Variants in ADAM29 observed in about 807,000 individuals in gnomAD.
The protein encoded by ADAM29 is ADAM metallopeptidase domain 29, also known as disintegrin and metalloproteinase domain-containing protein 29.
For synonymous variants in ADAM29, 367 were observed against 342.3 expected, an observed-to-expected ratio of 1.07 and a Z score of -0.80; for missense variants, 969 against 1,001.8, an observed-to-expected ratio of 0.97 and a Z score of 0.44.
chr4:174,974,633 A>C (rs1373768856), intron 4 of ADAM29, among the ~76,000 whole-genome samples: 2 of 152,234 alleles, frequency 1.3e-5, no homozygotes, highest in Non-Finnish European at 2.9e-5. Flanking sequence ...ACATATTTTG[A>C]GTAATACTTA....
chr4:174,947,110 T>C (rs1035370819), intron 4 of ADAM29, among the ~76,000 whole-genome samples: 2 of 152,088 alleles, frequency 1.3e-5, no homozygotes, highest in Admixed American at 6.5e-5. Context: ...TCATTTCTCA[T>C]TGGGCTTATT....
At chr4:174,969,505 A>G (rs1234049862) in intron 4 of ADAM29, among the ~76,000 whole-genome samples, 1 of 151,988 alleles carries the variant, frequency 6.6e-6, no homozygotes, top group Non-Finnish European at 1.5e-5. Context: ...AAATACAAGT[A>G]ACAATTAAAC....
At chr4:174,946,944 A>G (rs1479326798) in intron 4 of ADAM29, among the ~76,000 whole-genome samples, 1 of 152,042 alleles carries the variant, frequency 6.6e-6, no homozygotes, top group Non-Finnish European at 1.5e-5. Flanking sequence ...CTGTTCAGGG[A>G]TTCCATTTCT....
chr4:174,975,677 G>A lies in ADAM29; in HGVS notation c.152G>A (p.Trp51Ter). ...GTTRGMTPPGWLSYILPFGGQ... is the reference protein window; with the variant it reads ...GTTRGMTPPG ...ACCAGAGGCATGACACCTCCAGGCT[G>A]GCTCTCCTATATCCTGCCCTTTGGA... Residue 51 changes from tryptophan to a stop codon, truncating the protein, a stop_gained, in exon 5 of 5, where the codon TGG (tryptophan) becomes TAG (stop). Coordinates refer to ENST00000359240, the MANE Select transcript of ADAM29 (RefSeq NM_014269.4). LOFTEE classifies it low-confidence loss of function (END_TRUNC). 2 of 1,612,966 alleles carry A rather than the reference G, an allele frequency of 1.2e-6. No individual in the cohort carries two copies.
rs531445243 is a variant in ADAM29, at chr4:174,977,052, T to C, written c.1527T>C (p.Phe509=). Residue 509 remains phenylalanine (F), a synonymous_variant, in exon 5 of 5, where the codon TTT becomes TTC. Transcript: ENST00000359240. The part of the protein sequence containing the change: ...HDRNEQCRRI[F]GAGANTASET... The stretch of plus-strand genomic sequence containing the variant: ...GCAATGAACAGTGTAGGAGGATTTT[T>C]GGTGCAGGCGCAAATACTGCAAGTG... The C allele has an allele frequency of 5.8e-5, 94 of 1,614,150 alleles. 1 individual carries two copies. The South Asian group carries it at 1.0e-3, about 17-fold the overall frequency.
chr4:174,952,137 C>T (rs1418615140), intron 4 of ADAM29, among the ~76,000 whole-genome samples: 1 of 151,936 alleles, frequency 6.6e-6, no homozygotes, highest in Non-Finnish European at 1.5e-5. Context: ...AAAATATATG[C>T]ATTTTAATGT....
In ADAM29 at chr4:174,975,357, T is replaced by G; in HGVS notation, c.-169T>G. The G allele has an allele frequency of 2.0e-6, 1 of 490,548 alleles. No individual in the cohort carries two copies. Among genetic ancestry groups the G allele is most frequent in the East Asian group, 3.2e-5 (1 of 30,918 alleles). The allele number at this position is 490,548 out of a possible 1,614,324, so 30.4% of individuals were successfully genotyped here. A position where few individuals can be genotyped will look rare whatever the true frequency, so the allele number is the denominator to read the frequency against. On this transcript the variant is annotated 5_prime_UTR_variant, in exon 5 of 5. Transcript: ENST00000359240. ...TGTTTTACTTATAGTGCTGCAGCTCTGATGGTTCAACTCTGCCAAAAGATG... is the reference window on the plus strand; with the variant it reads ...TGTTTTACTTATAGTGCTGCAGCTCGGATGGTTCAACTCTGCCAAAAGATG...
intron 2 of ADAM29, chr4:174,924,135 C>T (rs1452272782): frequency 6.6e-6 from 1 of 152,068 alleles, no homozygotes; most frequent in Non-Finnish European, 1.5e-5. Flanking sequence ...ATACCTAACA[C>T]TCAACAATAA....
intron 2 of ADAM29, among the ~76,000 whole-genome samples, chr4:174,925,341 T>C (rs929769959): frequency 3.7e-5 from 5 of 136,804 alleles, no homozygotes; most frequent in Non-Finnish European, 6.8e-5. Flanking sequence ...GGTATGGAGA[T>C]ACATGAAACT....
At position 174,976,985 on chromosome 4, in the gene ADAM29, G is replaced by C. The variant is rs777422430; in HGVS notation, c.1460G>C (p.Cys487Ser). 2 of 1,614,030 alleles carry C rather than the reference G, an allele frequency of 1.2e-6. No homozygotes were observed. Among genetic ancestry groups the C allele is most frequent in the Non-Finnish European group, 1.7e-6 (2 of 1,180,026 alleles). Residue 487 changes from cysteine (C) to serine (S), a missense_variant, in exon 5 of 5, where the codon TGT becomes TCT. Cys to Ser is a moderately radical substitution (Grantham distance 112). Coordinates refer to ENST00000359240, the MANE Select transcript of ADAM29 (RefSeq NM_014269.4). ...DDFYVEDGIP[C>S]KERGYCYEKS... ...TTTTATGTGGAAGATGGAATTCCCT[G>C]TAAGGAGAGGGGCTACTGCTATGAA...
At chr4:174,930,614 T>C (rs147845728) in intron 2 of ADAM29, among the ~76,000 whole-genome samples, 3 of 152,290 alleles carry the variant, frequency 2.0e-5, no homozygotes, top group Non-Finnish European at 2.9e-5. Context: ...AAAAGGTAAC[T>C]ATGTCTTTTT....
intron 2 of ADAM29, among the ~76,000 whole-genome samples, chr4:174,929,776 A>G: frequency 6.9e-6 from 1 of 145,480 alleles, no homozygotes; most frequent in Non-Finnish European, 1.5e-5. Context: ...TTTTCAGTTG[A>G]GACAGACTCT....
At chr4:174,970,991 A>G (rs143344965) in intron 4 of ADAM29, among the ~76,000 whole-genome samples, 4,054 of 152,292 alleles carry the variant, frequency 0.027, 71 homozygotes, top group Non-Finnish European at 0.04. Context: ...AGTCACACAC[A>G]GGAGCTCTAA....
At chr4:174,949,701 C>T (rs1180940108) in intron 4 of ADAM29, among the ~76,000 whole-genome samples, 1 of 151,630 alleles carries the variant, frequency 6.6e-6, no homozygotes, top group African/African-American at 2.4e-5. Context: ...GATGTTCCTC[C>T]TGGCTGCAGC....
intron 4 of ADAM29, among the ~76,000 whole-genome samples, chr4:174,963,422 A>G (rs1745968772): frequency 6.6e-6 from 1 of 152,202 alleles, no homozygotes; most frequent in Non-Finnish European, 1.5e-5. Context: ...TTTACCATTA[A>G]GTAAGACTGT....
chr4:174,944,450 CTT>C (rs1744722600), intron 4 of ADAM29, among the ~76,000 whole-genome samples: 1 of 152,004 alleles, frequency 6.6e-6, no homozygotes, highest in Non-Finnish European at 1.5e-5. Context: ...ATATTTTTCT[CTT>C]TGTTTTATTT....
chr4:174,950,448 T>A (rs1307895810), intron 4 of ADAM29, among the ~76,000 whole-genome samples: 5 of 152,230 alleles, frequency 3.3e-5, no homozygotes, highest in Admixed American at 6.5e-5. Context: ...ACTTTTGAAT[T>A]CTCTGACTTC....
At chr4:174,964,238 TAA>T (rs1220092310) in intron 4 of ADAM29, among the ~76,000 whole-genome samples, 7 of 151,722 alleles carry the variant, frequency 4.6e-5, no homozygotes, top group Non-Finnish European at 8.8e-5. Flanking sequence ...AGTGTCCTTA[TAA>T]GAAGAGAAAA....
At chr4:174,958,139 T>C (rs922650538) in intron 4 of ADAM29, among the ~76,000 whole-genome samples, 1 of 151,868 alleles carries the variant, frequency 6.6e-6, no homozygotes, top group Non-Finnish European at 1.5e-5. Flanking sequence ...TGTTTTTAAA[T>C]AGAGTGTTCT....
Sources: allele counts gnomAD v4.1 joint callset (sites outside exome capture counted in the v4.1 genomes callset), GRCh38; gene constraint gnomAD v4.1.1; transcripts MANE v1.5; gene names NCBI Gene and HGNC (gene_info 2026-07-23, HGNC 2026-07-21).